RALGPS1: variants seen among roughly 807,000 people sequenced by gnomAD.
The protein encoded by RALGPS1 is Ral GEF with PH domain and SH3 binding motif 1.
A neutral mutation model predicts 78.8 loss-of-function variants in RALGPS1; 19 were observed. The observed-to-expected ratio is 0.24, with a 90% CI of 0.17 to 0.35. The LOEUF (loss-of-function observed/expected upper bound fraction) is 0.35. Ranked by LOEUF, RALGPS1 falls within the 10% of genes least tolerant of loss-of-function variation. The pLI is 1.00. For missense variants in RALGPS1, 454 were observed against 688.3 expected (o/e 0.66, Z 3.81); for synonymous variants, 228 against 256.3 (o/e 0.89, Z 1.06).
chr9:126,977,914 AT>A, intron 4 of RALGPS1, 169 bp downstream of exon 4: 1 of 501,860 alleles, frequency 2.0e-6, no homozygotes, highest in South Asian at 3.3e-5. Flanking sequence ...TGAGCCCAGT[AT>A]TTGGATTTTC....
At chr9:126,924,729 A>T (rs956528494) in intron 1 of RALGPS1, among the ~76,000 whole-genome samples, 1 of 152,202 alleles carries the variant, frequency 6.6e-6, no homozygotes, top group East Asian at 1.9e-4. Context: ...TGTCCTCCGT[A>T]ACTACTTGCC....
intron 7 of RALGPS1, among the ~76,000 whole-genome samples, chr9:127,053,267 C>T (rs2048446540): frequency 1.3e-5 from 2 of 152,158 alleles, no homozygotes. Flanking sequence ...TGGCAGGCTC[C>T]AAACTGTCCT....
chr9:127,129,453 CCAACCCCCTTACA>C (rs2056855540), intron 8 of RALGPS1, among the ~76,000 whole-genome samples: 3 of 152,160 alleles, frequency 2.0e-5, no homozygotes, highest in African/African-American at 7.2e-5. Context: ...GGGGGGGATT[CCAACCCCCTTACA>C]CAGGTACCTG....
At chr9:127,198,179 G>A (rs1030490525) in intron 13 of RALGPS1, among the ~76,000 whole-genome samples, 2 of 152,180 alleles carry the variant, frequency 1.3e-5, no homozygotes, top group Non-Finnish European at 2.9e-5. Context: ...CTGATGAAGC[G>A]GCCATTTGTG....
intron 7 of RALGPS1, among the ~76,000 whole-genome samples, chr9:127,054,950 G>C (rs1038348333): frequency 9.9e-5 from 15 of 150,792 alleles, no homozygotes; most frequent in Non-Finnish European, 2.2e-4. Context: ...TGCCCTCCAG[G>C]TTGGGTGACA....
At chr9:127,030,643 ATTG>A (rs956964481) in intron 4 of RALGPS1, among the ~76,000 whole-genome samples, 9 of 151,814 alleles carry the variant, frequency 5.9e-5, no homozygotes, top group Non-Finnish European at 7.4e-5. Flanking sequence ...GGTGTTTTTT[ATTG>A]TTATTAATAT....
chr9:126,918,836 C>G (rs2034457442), intron 1 of RALGPS1, among the ~76,000 whole-genome samples: 1 of 151,980 alleles, frequency 6.6e-6, no homozygotes. Context: ...CCACGCCTGG[C>G]TAATTTTGTA....
At chr9:127,194,307 C>T (rs960120648) in intron 11 of RALGPS1, among the ~76,000 whole-genome samples, 1 of 152,172 alleles carries the variant, frequency 6.6e-6, no homozygotes, top group African/African-American at 2.4e-5. Flanking sequence ...AGATCTGAAC[C>T]CTATCTGTCT....
In RALGPS1 at chr9:127,211,412, T is replaced by C. The variant is rs141897234; in HGVS notation, c.1248-719T>C. On this transcript the variant is annotated intron_variant, in intron 14 of 18. Coordinates refer to ENST00000259351, the MANE Select transcript of RALGPS1 (RefSeq NM_014636.3). This position sits in a 1 kb window ranked among gnomAD's most constrained non-coding sequence, Gnocchi z 5.0. ...TGGCGAAGATGGATGGTCAGACATATTTAGTGCCTGATCCCCAGTGCATCC... is the reference window on the plus strand; with the variant it reads ...TGGCGAAGATGGATGGTCAGACATACTTAGTGCCTGATCCCCAGTGCATCC... 2.7e-3 allele frequency among the ~76,000 whole-genome samples: 410 copies of C among 152,156 alleles called. 4 individuals are homozygous for C. Among genetic ancestry groups the C allele is most frequent in the Non-Finnish European group, 5.1e-3 (344 of 67,980 alleles).
intron 8 of RALGPS1, among the ~76,000 whole-genome samples, chr9:127,098,617 C>T (rs1415774416): frequency 6.6e-6 from 1 of 152,142 alleles, no homozygotes; most frequent in Non-Finnish European, 1.5e-5. Flanking sequence ...AGCCCGGACC[C>T]CACTGCCATA....
At chr9:127,182,360 T>C (rs184494758) in intron 11 of RALGPS1, among the ~76,000 whole-genome samples, 80 of 43,450 alleles carry the variant, frequency 1.8e-3, no homozygotes, top group South Asian at 6.6e-3. Context: ...CTCCCTTCCT[T>C]CCTTCCTTCC....
At chr9:126,952,344 TGAG>T (rs1006107566) in intron 1 of RALGPS1, among the ~76,000 whole-genome samples, 5 of 152,028 alleles carry the variant, frequency 3.3e-5, no homozygotes, top group Admixed American at 2.0e-4. Context: ...TGAAAGAAGT[TGAG>T]GAGGGAGCCG....
chr9:127,160,935 T>C (rs1242484250), intron 8 of RALGPS1, among the ~76,000 whole-genome samples: 1 of 152,042 alleles, frequency 6.6e-6, no homozygotes. Context: ...TTCCCTAGAG[T>C]AGACAGTGGC....
chr9:127,184,163 A>C, intron 11 of RALGPS1: 1 of 987,702 alleles, frequency 1.0e-6, no homozygotes, highest in Non-Finnish European at 1.5e-6. Flanking sequence ...CCATCTCTAC[A>C]AAAGTATATA....
At chr9:127,207,724 TCCTCCTC>T in intron 14 of RALGPS1, among the ~76,000 whole-genome samples, 1 of 152,118 alleles carries the variant, frequency 6.6e-6, no homozygotes, top group Admixed American at 6.5e-5. Flanking sequence ...CCCAGCACGG[TCCTCCTC>T]CAGCTCTGGA....
At chr9:127,052,051 CG>C (rs949066413) in intron 6 of RALGPS1, among the ~76,000 whole-genome samples, 4 of 152,166 alleles carry the variant, frequency 2.6e-5, no homozygotes, top group Non-Finnish European at 5.9e-5. Flanking sequence ...GCAGAAGTGC[CG>C]TGATTGCCTT....
intron 8 of RALGPS1, among the ~76,000 whole-genome samples, chr9:127,090,172 C>G (rs2052295212): frequency 6.6e-6 from 1 of 152,210 alleles, no homozygotes; most frequent in African/African-American, 2.4e-5. Context: ...CACGCCATAA[C>G]CAGCCTCCTC....
At chr9:127,055,629 G>A (rs1017581384) in intron 7 of RALGPS1, among the ~76,000 whole-genome samples, 3 of 152,136 alleles carry the variant, frequency 2.0e-5, no homozygotes, top group Non-Finnish European at 4.4e-5. Flanking sequence ...AGGTAGAGTG[G>A]TTTATGCAGG....
chr9:127,002,081 A>T (rs1343240451), intron 4 of RALGPS1, among the ~76,000 whole-genome samples: 5 of 152,212 alleles, frequency 3.3e-5, no homozygotes, highest in Non-Finnish European at 7.4e-5. Flanking sequence ...CATCTGGATC[A>T]AGATGTAAAA....
Sources: gnomAD v4.1 joint callset for allele counts (sites outside exome capture counted in the v4.1 genomes callset) on GRCh38, gnomAD v4.1.1 for gene constraint, Gnocchi (gnomAD v3.1) non-coding constraint, MANE v1.5 for transcripts, NCBI Gene and HGNC (gene_info 2026-07-23, HGNC 2026-07-21) for gene names.